The following MYO5A variants were observed in gnomAD, a reference collection of about 807,000 sequenced individuals.
The protein encoded by MYO5A is unconventional myosin-Va.
A neutral mutation model predicts 249.7 loss-of-function variants in MYO5A; 98 were observed. The ratio of observed to expected loss-of-function variants is 0.39; its 90% CI spans 0.33 to 0.46. The LOEUF is 0.46. Among genes scored for constraint, MYO5A ranks in the 20% least tolerant of loss-of-function variants. The pLI is 0.98. For synonymous variants in MYO5A, 778 were observed against 810.6 expected (o/e 0.96, Z 0.68); for missense variants, 1,696 against 2,308.8 (o/e 0.73, Z 5.44).
At chr15:52,402,448 CT>C (rs2042803745) in intron 9 of MYO5A, among the ~76,000 whole-genome samples, 1 of 152,138 alleles carries the variant, frequency 6.6e-6, no homozygotes, top group African/African-American at 2.4e-5. Context: ...CCTTCTGTAG[CT>C]CACTTGGCTA....
chr15:52,324,070 T>TC (rs2038475108), intron 36 of MYO5A, among the ~76,000 whole-genome samples: 1 of 135,518 alleles, frequency 7.4e-6, no homozygotes, highest in African/African-American at 2.6e-5. Context: ...CAAATTCATG[T>TC]CCCCCGTGGG....
intron 24 of MYO5A, 31 bp downstream of exon 24, chr15:52,364,523 A>G: frequency 6.3e-7 from 1 of 1,585,030 alleles, no homozygotes. Flanking sequence ...AAAATTTTTC[A>G]TTAAAAAAAA....
At chr15:52,382,844 C>T (rs987452388) in intron 16 of MYO5A, among the ~76,000 whole-genome samples, 11 of 152,152 alleles carry the variant, frequency 7.2e-5, no homozygotes, top group African/African-American at 2.4e-4. Flanking sequence ...GAAAACAGAA[C>T]CAGAATGCTT....
rs34620969 is a variant in MYO5A at position 52,376,050 on chromosome 15, T to C, written c.2420+297A>G. Among the ~76,000 whole-genome samples, 1,045 of 152,350 alleles carry C rather than the reference T, an allele frequency of 6.9e-3. 1 individual carries two copies. Among genetic ancestry groups the C allele is most frequent in the Admixed American group, 8.6e-3 (131 of 15,306 alleles). ...TGAAGTCATTATTACCTAGCTCATATTCACGACTGTTTTAATTGATACATG... is the reference window on the plus strand; with the variant it reads ...TGAAGTCATTATTACCTAGCTCATACTCACGACTGTTTTAATTGATACATG... On this transcript the variant is annotated intron_variant, in intron 19 of 41. Coordinates refer to ENST00000399233, the MANE Select transcript of MYO5A (RefSeq NM_001382347.1).
At chr15:52,322,354 G>A (rs563698820) in intron 37 of MYO5A, among the ~76,000 whole-genome samples, 10 of 152,320 alleles carry the variant, frequency 6.6e-5, no homozygotes, top group East Asian at 1.9e-4. Context: ...AGGAAGTGCC[G>A]CTGGGCACCT....
intron 38 of MYO5A, among the ~76,000 whole-genome samples, chr15:52,319,567 T>C (rs1158040149): frequency 1.3e-5 from 2 of 152,006 alleles, no homozygotes; most frequent in Admixed American, 6.5e-5. Flanking sequence ...CCCGTCTCTA[T>C]TGAAAATACA....
chr15:52,512,882 C>T (rs1566871795), intron 1 of MYO5A, among the ~76,000 whole-genome samples: 3 of 152,160 alleles, frequency 2.0e-5, no homozygotes, highest in Non-Finnish European at 2.9e-5. Context: ...AATCCCAGCA[C>T]TTTGGGAGGC....
intron 9 of MYO5A, among the ~76,000 whole-genome samples, chr15:52,401,495 C>T (rs1448778394): frequency 6.6e-6 from 1 of 152,198 alleles, no homozygotes; most frequent in African/African-American, 2.4e-5. Context: ...TATTATTCCA[C>T]TGTGTTCTGG....
chr15:52,319,043 T>C lies in MYO5A; in HGVS notation c.5234+17A>G. ...GGCAGCAAAAAGACACTGTCGCAGG[T>C]GTTGGCATTTGCTCACCTGATCTGC... On this transcript the variant is annotated intron_variant, in intron 39 of 41. Transcript: ENST00000399233. The C allele has an allele frequency of 6.2e-7, 1 of 1,613,708 alleles. No individual in the cohort carries two copies. The highest frequency in any genetic ancestry group is 8.5e-7 in the Non-Finnish European group (1 of 1,179,960).
Position 52,352,147 on chromosome 15 carries a change from C to T in MYO5A, c.3622-666G>A, listed in dbSNP as rs527298753. On this transcript the variant is annotated intron_variant, in intron 27 of 41. Transcript: ENST00000399233. ...GGCTGAAGGCCTTCCTCCAGCCATC[C>T]AGAAGGATATGCACATCCTCATCCC... Among the ~76,000 whole-genome samples, 8 of 152,298 alleles carry T rather than the reference C, an allele frequency of 5.3e-5. No homozygotes were observed. The East Asian group carries it at 1.5e-3, about 29-fold the overall frequency.
intron 1 of MYO5A, among the ~76,000 whole-genome samples, chr15:52,466,605 T>C (rs1416698906): frequency 6.6e-6 from 1 of 152,158 alleles, no homozygotes; most frequent in Admixed American, 6.5e-5. Context: ...CCACCCTCCC[T>C]TCCCAGGCTG....
intron 24 of MYO5A, among the ~76,000 whole-genome samples, chr15:52,363,318 G>A (rs1171889472): frequency 6.6e-6 from 1 of 152,228 alleles, no homozygotes; most frequent in Admixed American, 6.5e-5. Context: ...CTAGGAAGAT[G>A]AAGCTTAACA....
In MYO5A at chr15:52,397,266, A is replaced by T; in HGVS notation, c.1254T>A (p.Asn418Lys). Residue 418 changes from asparagine to lysine, a missense_variant, in exon 10 of 42, where the codon AAT becomes AAA. Asn to Lys is a moderately conservative substitution (Grantham distance 94). Coordinates refer to ENST00000399233, the MANE Select transcript of MYO5A (RefSeq NM_001382347.1). The stretch of plus-strand genomic sequence containing the variant: ...CAGCAGAATGGAGAGCCTGATTGAC[A>T]TTATCTACAATCCAGTTAAAGAGCT... ...YAKLFNWIVD[N>K]VNQALHSAVK... 6.2e-7 allele frequency: 1 copy of T among 1,614,146 alleles called. No homozygotes were observed. The highest frequency in any genetic ancestry group is 8.5e-7 in the Non-Finnish European group (1 of 1,179,984).
intron 4 of MYO5A, among the ~76,000 whole-genome samples, chr15:52,418,218 G>T (rs1241112898): frequency 2.6e-5 from 4 of 152,162 alleles, no homozygotes; most frequent in African/African-American, 7.2e-5. Flanking sequence ...CCTTTCAAGG[G>T]CCTCCACAAT....
At chr15:52,438,449 A>G (rs1221498156) in intron 1 of MYO5A, among the ~76,000 whole-genome samples, 1 of 152,168 alleles carries the variant, frequency 6.6e-6, no homozygotes, top group Non-Finnish European at 1.5e-5. Flanking sequence ...GCCAAAGTGA[A>G]TCAAACTGGA....
chr15:52,470,952 G>A (rs2076452673), intron 1 of MYO5A, among the ~76,000 whole-genome samples: 2 of 151,552 alleles, frequency 1.3e-5, no homozygotes, highest in South Asian at 4.2e-4. Flanking sequence ...GAACCCGGGA[G>A]GCAGAGGTTG....
At chr15:52,335,547 T>C (rs7169104) in intron 34 of MYO5A, among the ~76,000 whole-genome samples, 12,546 of 147,148 alleles carry the variant, frequency 0.085, 1,726 homozygotes, top group African/African-American at 0.29. Context: ...AAAAAGGAGT[T>C]TGGCTTTAGC....
At chr15:52,517,365 G>A (rs543747598) in intron 1 of MYO5A, among the ~76,000 whole-genome samples, 3 of 152,170 alleles carry the variant, frequency 2.0e-5, no homozygotes, top group Non-Finnish European at 4.4e-5. Context: ...ATACCCAGAT[G>A]ACTGAATATT....
At chr15:52,382,045 G>C (rs1046275663) in intron 16 of MYO5A, among the ~76,000 whole-genome samples, 3 of 151,744 alleles carry the variant, frequency 2.0e-5, no homozygotes, top group Non-Finnish European at 4.4e-5. Context: ...TGGGATTACA[G>C]GCGCCCGCCA....
Sources: gnomAD v4.1 joint callset for allele counts (sites outside exome capture counted in the v4.1 genomes callset) on GRCh38, gnomAD v4.1.1 for gene constraint, MANE v1.5 for transcripts, NCBI Gene and HGNC (gene_info 2026-07-23, HGNC 2026-07-21) for gene names.